ZNF276: variants seen among roughly 807,000 people sequenced by gnomAD.
ZNF276 encodes the protein centromere protein Z.
In ZNF276, 59 loss-of-function variants were observed where a neutral mutation model predicts 63.9. That is an observed-to-expected ratio of 0.92 (90% CI 0.75 to 1.15). The LOEUF (loss-of-function observed/expected upper bound fraction) is 1.15. Ranked by LOEUF, ZNF276 falls within the 50% of genes most tolerant of loss-of-function variation. ZNF276 has a pLI of 0.00. For synonymous variants in ZNF276, 496 were observed against 348.4 expected, an observed-to-expected ratio of 1.42 and a Z score of -4.72; for missense variants, 1,084 against 843.8, an observed-to-expected ratio of 1.28 and a Z score of -3.53.
At position 89,740,019 on chromosome 16, in the gene ZNF276, C is replaced by T; in HGVS notation, c.*1773C>T. The T allele has an allele frequency of 2.5e-6, 4 of 1,614,144 alleles. No individual in the cohort carries two copies. The highest frequency in any genetic ancestry group is 3.4e-6 in the Non-Finnish European group (4 of 1,180,012). On this transcript the variant is annotated 3_prime_UTR_variant, in exon 11 of 11. Coordinates refer to ENST00000443381, the MANE Select transcript of ZNF276 (RefSeq NM_001113525.2). ...CACTCTCTGTCAACTGAAAGAGTGC[C>T]AGCCAGGATATCTTCCTCTTCTCTA...
chr16:89,734,538 G>A (rs535263781), intron 9 of ZNF276, among the ~76,000 whole-genome samples: 1 of 152,214 alleles, frequency 6.6e-6, no homozygotes, highest in African/African-American at 2.4e-5. Context: ...TGTTGGCCAG[G>A]GTGATCTCTA....
In ZNF276 at chr16:89,738,726, G is replaced by C. The variant is rs781731674; in HGVS notation, c.*480G>C. On this transcript the variant is annotated 3_prime_UTR_variant, in exon 11 of 11. Coordinates refer to ENST00000443381, the MANE Select transcript of ZNF276 (RefSeq NM_001113525.2). ...GCCAGCAGCTGTGAGAGAGGAGCAG[G>C]TCCTCAGCCCATGCCGCCCACTAGG... 1.9e-5 allele frequency: 30 copies of C among 1,613,454 alleles called. No individual in the cohort carries two copies. The highest frequency in any genetic ancestry group is 2.5e-5 in the Non-Finnish European group (29 of 1,179,828).
chr16:89,731,815 C>T (rs1229434531), intron 6 of ZNF276: 1 of 152,236 alleles, frequency 6.6e-6, no homozygotes, highest in African/African-American at 2.4e-5. Flanking sequence ...ATTTTGTGCC[C>T]TGCAACTTTG....
Position 89,739,625 on chromosome 16 carries a change from G to C in ZNF276, c.*1379G>C. 1.3e-6 allele frequency: 2 copies of C among 1,528,708 alleles called. No individual in the cohort carries two copies. Among genetic ancestry groups the C allele is most frequent in the Non-Finnish European group, 1.8e-6 (2 of 1,127,324 alleles). 94.7% of individuals were successfully genotyped at this position (1,528,708 alleles called of 1,614,324 possible). A position where few individuals can be genotyped will look rare whatever the true frequency, so the allele number is the denominator to read the frequency against. On this transcript the variant is annotated 3_prime_UTR_variant, in exon 11 of 11. Coordinates refer to ENST00000443381, the MANE Select transcript of ZNF276 (RefSeq NM_001113525.2). ...ATTATCAGTGCTGGGGACACCCCTGGGGGTCGGGACGTGTACCCTGGGAGG... is the reference window on the plus strand; with the variant it reads ...ATTATCAGTGCTGGGGACACCCCTGCGGGTCGGGACGTGTACCCTGGGAGG...
At chr16:89,727,861 C>T (rs1439321551) in intron 5 of ZNF276, among the ~76,000 whole-genome samples, 3 of 152,196 alleles carry the variant, frequency 2.0e-5, no homozygotes, top group East Asian at 3.8e-4. Flanking sequence ...GGCTTGAAGC[C>T]GAGGCTCTGC....
intron 5 of ZNF276, among the ~76,000 whole-genome samples, chr16:89,728,502 C>T (rs1314027500): frequency 6.6e-6 from 1 of 152,202 alleles, no homozygotes; most frequent in African/African-American, 2.4e-5. Flanking sequence ...CTCCCGGGTT[C>T]ACGCCATTCT....
In ZNF276 at chr16:89,739,401, T is replaced by C; in HGVS notation, c.*1155T>C. The C allele has an allele frequency of 1.9e-6, 3 of 1,568,212 alleles. No individual in the cohort carries two copies. The highest frequency in any genetic ancestry group is 1.9e-5 in the Admixed American group (1 of 53,518). On this transcript the variant is annotated 3_prime_UTR_variant, in exon 11 of 11. Transcript: ENST00000443381. ...AGAGGCACAGACAACCCTTCCCATC[T>C]GGCGGGACCCAGAGGTGCTGAGATG...
chr16:89,735,123 A>ACTGT (rs1456417951), intron 9 of ZNF276, among the ~76,000 whole-genome samples: 1 of 151,824 alleles, frequency 6.6e-6, no homozygotes, highest in African/African-American at 2.4e-5. Flanking sequence ...ACAGTGAGAC[A>ACTGT]CTGTCTCAAA....
chr16:89,738,041 A>G lies in ZNF276; in HGVS notation c.1640A>G (p.Lys547Arg), dbSNP rs2062006608. The G allele has an allele frequency of 6.2e-7, 1 of 1,614,010 alleles. No individual in the cohort carries two copies. Among genetic ancestry groups the G allele is most frequent in the Non-Finnish European group, 8.5e-7 (1 of 1,180,052 alleles). ...ASLKYHMTKH[K>R]AETELDFACD... ...CTCAAGTACCACATGACCAAACACA[A>G]GGCTGAGACTGAGCTGGACTTTGCC... is the stretch of plus-strand genomic sequence containing the variant. The change falls in exon 11 of 11, where the codon AAG (lysine) becomes AGG (arginine). Residue 547 changes from lysine (K) to arginine (R), a missense_variant. By Grantham distance (26) the Lys-to-Arg change is conservative. Coordinates refer to ENST00000443381, the MANE Select transcript of ZNF276 (RefSeq NM_001113525.2).
At chr16:89,734,193 G>GCTAGAGTAGGGCGTCAGTGTGAATCTGC (rs2061772695) in intron 9 of ZNF276, among the ~76,000 whole-genome samples, 155 bp downstream of exon 9, 1 of 152,214 alleles carries the variant, frequency 6.6e-6, no homozygotes, top group Admixed American at 6.5e-5. Flanking sequence ...GTAGATGAAG[G>GCTAGAGTAGGGCGTCAGTGTGAATCTGC]CTAGAGTAGG....
chr16:89,727,194 A>C, intron 4 of ZNF276, 85 bp from the exon 5 acceptor site: 1 of 1,384,146 alleles, frequency 7.2e-7, no homozygotes, highest in East Asian at 2.3e-5. Context: ...CCTTCTAGTC[A>C]TCAATAGTAG....
intron 9 of ZNF276, among the ~76,000 whole-genome samples, chr16:89,737,182 C>A (rs1006809735): frequency 1.3e-5 from 2 of 152,166 alleles, no homozygotes; most frequent in East Asian, 3.8e-4. Context: ...ACAGCCATAG[C>A]TGTGACAATC....
At chr16:89,728,420 T>A (rs143250644) in intron 5 of ZNF276, among the ~76,000 whole-genome samples, 2,920 of 152,094 alleles carry the variant, frequency 0.019, 84 homozygotes, top group East Asian at 0.093. Flanking sequence ...TTTTTTTTAT[T>A]TGAGACGGAG....
chr16:89,739,488 C>G lies in ZNF276; in HGVS notation c.*1242C>G, dbSNP rs925649874. On this transcript the variant is annotated 3_prime_UTR_variant, in exon 11 of 11. Coordinates refer to ENST00000443381, the MANE Select transcript of ZNF276 (RefSeq NM_001113525.2). ...TGTGGGTGGAGGTACCTGTAAAAAG[C>G]GAAAGGCAGCAGCCTGGTGTGCTGA... 1.3e-6 allele frequency: 2 copies of G among 1,551,092 alleles called. No homozygotes were observed. Among genetic ancestry groups the G allele is most frequent in the Non-Finnish European group, 1.7e-6 (2 of 1,147,252 alleles).
chr16:89,723,783 G>C, intron 4 of ZNF276, 74 bp downstream of exon 4: 1 of 1,437,854 alleles, frequency 7.0e-7, no homozygotes, highest in African/African-American at 1.4e-5. Flanking sequence ...AGCAGAAAGT[G>C]AATGTCTCCA....
At chr16:89,730,983 G>A (rs556064525) in intron 6 of ZNF276, among the ~76,000 whole-genome samples, 2 of 152,372 alleles carry the variant, frequency 1.3e-5, no homozygotes, top group African/African-American at 4.8e-5. Context: ...CTGACAGGCA[G>A]CAGTGAGGCC....
intron 9 of ZNF276, chr16:89,737,573 T>G: frequency 1.5e-6 from 1 of 683,652 alleles, no homozygotes; most frequent in Non-Finnish European, 2.3e-6. Flanking sequence ...TTCTGAGGTT[T>G]CTTTAAAAAC....
chr16:89,739,567 A>G lies in ZNF276; in HGVS notation c.*1321A>G. 6.4e-7 allele frequency: 1 copy of G among 1,550,986 alleles called. No individual in the cohort carries two copies. On this transcript the variant is annotated 3_prime_UTR_variant, in exon 11 of 11. Transcript: ENST00000443381. ...CCAGCCTGAGGTCTGCAACACCAAG[A>G]AGTGGCTCAGGCAACTCTGGACATC...
intron 8 of ZNF276, 71 bp downstream of exon 8, chr16:89,733,628 TC>T (rs1348459599): frequency 6.4e-7 from 1 of 1,556,244 alleles, no homozygotes; most frequent in African/African-American, 1.4e-5. Context: ...AGCAGGTGTT[TC>T]TGCAGCCTAA....
Sources: gnomAD v4.1 joint callset for allele counts (sites outside exome capture counted in the v4.1 genomes callset) on GRCh38, gnomAD v4.1.1 for gene constraint, MANE v1.5 for transcripts, NCBI Gene and HGNC (gene_info 2026-07-23, HGNC 2026-07-21) for gene names.